Variants in MSH3 observed in about 807,000 individuals in gnomAD.
MSH3 encodes mutS homolog 3.
A neutral mutation model predicts 123.3 loss-of-function variants in MSH3; 106 were observed. The ratio of observed to expected loss-of-function variants is 0.86; its 90% CI spans 0.73 to 1.01. The LOEUF (loss-of-function observed/expected upper bound fraction) is 1.01. MSH3 is among the 50% of genes least tolerant of loss of function. The pLI is 0.00. For missense variants in MSH3, 1,459 were observed against 1,347.6 expected (o/e 1.08, Z -1.29); for synonymous variants, 515 against 481.4 (o/e 1.07, Z -0.91).
chr5:80,769,918 A>G (rs1744188398), intron 15 of MSH3, among the ~76,000 whole-genome samples: 1 of 152,154 alleles, frequency 6.6e-6, no homozygotes, highest in Non-Finnish European at 1.5e-5. Context: ...AATGTTCATT[A>G]AAGTGTTTAT....
chr5:80,865,950 T>C (rs1408256623), intron 22 of MSH3, among the ~76,000 whole-genome samples: 1 of 152,236 alleles, frequency 6.6e-6, no homozygotes, highest in Non-Finnish European at 1.5e-5. Context: ...AGTAGTTTTG[T>C]ATCTATTAAT....
At chr5:80,802,827 T>C (rs992654306) in intron 19 of MSH3, among the ~76,000 whole-genome samples, 4 of 152,222 alleles carry the variant, frequency 2.6e-5, no homozygotes, top group African/African-American at 9.6e-5. Flanking sequence ...ATGCAAAGTT[T>C]ATCACTTTGT....
At chr5:80,738,726 T>C (rs938079236) in intron 10 of MSH3, among the ~76,000 whole-genome samples, 1 of 152,198 alleles carries the variant, frequency 6.6e-6, no homozygotes, top group African/African-American at 2.4e-5. Context: ...GTTTCTTGAT[T>C]AGTCTCATGC....
chr5:80,834,974 G>A (rs1184372477), intron 20 of MSH3, among the ~76,000 whole-genome samples: 1 of 152,194 alleles, frequency 6.6e-6, no homozygotes, highest in Non-Finnish European at 1.5e-5. Flanking sequence ...CCTCTGAAAT[G>A]TCTTATCTCA....
chr5:80,684,064 C>G (rs1447914418), intron 8 of MSH3, among the ~76,000 whole-genome samples: 2 of 152,104 alleles, frequency 1.3e-5, no homozygotes, highest in Non-Finnish European at 2.9e-5. Flanking sequence ...TATGCCAGTA[C>G]CATGCCATTT....
intron 7 of MSH3, among the ~76,000 whole-genome samples, chr5:80,675,734 C>T (rs1749825132): frequency 6.6e-6 from 1 of 152,158 alleles, no homozygotes; most frequent in African/African-American, 2.4e-5. Flanking sequence ...GGTCTTGGTC[C>T]ATGTGCCCTG....
chr5:80,741,964 T>A (rs80125292), intron 11 of MSH3, among the ~76,000 whole-genome samples: 11 of 152,172 alleles, frequency 7.2e-5, no homozygotes, highest in Non-Finnish European at 1.6e-4. Context: ...GATATTCAGT[T>A]TGACTGTAAG....
chr5:80,709,341 C>T (rs1338026074), intron 8 of MSH3, among the ~76,000 whole-genome samples: 2 of 151,286 alleles, frequency 1.3e-5, no homozygotes, highest in Non-Finnish European at 2.9e-5. Context: ...TTTTTAGGGC[C>T]GGGTGCGGTG....
intron 8 of MSH3, among the ~76,000 whole-genome samples, chr5:80,693,011 G>T (rs1399183451): frequency 7.4e-6 from 1 of 134,620 alleles, no homozygotes; most frequent in African/African-American, 2.7e-5. Flanking sequence ...ACATGCACAT[G>T]TATATGTTTA....
intron 8 of MSH3, among the ~76,000 whole-genome samples, chr5:80,709,760 G>A (rs1381958552): frequency 6.6e-6 from 1 of 152,064 alleles, no homozygotes; most frequent in East Asian, 1.9e-4. Flanking sequence ...TGATCTTCAG[G>A]AACTTCTTTT....
chr5:80,671,572 C>A (rs1749725001), intron 4 of MSH3, among the ~76,000 whole-genome samples: 1 of 152,154 alleles, frequency 6.6e-6, no homozygotes, highest in Non-Finnish European at 1.5e-5. Flanking sequence ...AAATTCAGAC[C>A]TGACCACGGT....
intron 20 of MSH3, among the ~76,000 whole-genome samples, chr5:80,828,467 C>A (rs1052783682): frequency 6.6e-6 from 1 of 152,146 alleles, no homozygotes; most frequent in Non-Finnish European, 1.5e-5. Context: ...AACATTCAAA[C>A]CACAGCATTC....
At chr5:80,703,668 T>C (rs1399473153) in intron 8 of MSH3, among the ~76,000 whole-genome samples, 2 of 152,120 alleles carry the variant, frequency 1.3e-5, no homozygotes, top group East Asian at 3.9e-4. Flanking sequence ...TATTTCCTAA[T>C]ACTTTATCTT....
At chr5:80,726,205 C>A (rs1420871016) in intron 9 of MSH3, among the ~76,000 whole-genome samples, 2 of 152,142 alleles carry the variant, frequency 1.3e-5, no homozygotes, top group African/African-American at 4.8e-5. Context: ...ATGTTAGGGT[C>A]CATTTTGTGG....
Position 80,742,020 on chromosome 5 carries a change from C to A in MSH3, c.1653+472C>A, listed in dbSNP as rs573817461. On this transcript the variant is annotated intron_variant, in intron 11 of 23. Transcript: ENST00000265081. Reference sequence around the variant, plus strand: ...CAAACTTTCTTTTTTTTTTTTTCTTCTTTGAGACAGAGTCTCGCTCTGTTG... The same window carrying A: ...CAAACTTTCTTTTTTTTTTTTTCTTATTTGAGACAGAGTCTCGCTCTGTTG... Among the ~76,000 whole-genome samples, 3 of 123,850 alleles carry A rather than the reference C, an allele frequency of 2.4e-5. No individual in the cohort carries two copies. In the South Asian group the frequency reaches 7.7e-4, roughly 32 times the overall value. 81.3% of individuals were successfully genotyped at this position (123,850 alleles called of 152,430 possible). A position where few individuals can be genotyped will look rare whatever the true frequency, so the allele number is the denominator to read the frequency against.
At chr5:80,812,496 A>G (rs779378315) in intron 19 of MSH3, among the ~76,000 whole-genome samples, 55 of 151,244 alleles carry the variant, frequency 3.6e-4, no homozygotes, top group Admixed American at 1.3e-3. Flanking sequence ...ATTGAACCTC[A>G]CTGGTTCTCA....
At chr5:80,729,541 A>G (rs1022209147) in intron 10 of MSH3, among the ~76,000 whole-genome samples, 3 of 151,520 alleles carry the variant, frequency 2.0e-5, no homozygotes, top group Non-Finnish European at 2.9e-5. Context: ...AGTTTTGACT[A>G]CAAAACTGTG....
intron 10 of MSH3, among the ~76,000 whole-genome samples, chr5:80,740,801 G>A (rs943381737): frequency 3.4e-5 from 5 of 148,944 alleles, no homozygotes; most frequent in African/African-American, 5.0e-5. Flanking sequence ...TGCAATCTCC[G>A]CCTCCCTGGT....
At chr5:80,821,496 T>G (rs1745204738) in intron 20 of MSH3, among the ~76,000 whole-genome samples, 1 of 152,254 alleles carries the variant, frequency 6.6e-6, no homozygotes, top group African/African-American at 2.4e-5. Flanking sequence ...TGATCCCATA[T>G]TTCAAAATTG....
Sources: allele counts gnomAD v4.1 joint callset (sites outside exome capture counted in the v4.1 genomes callset), GRCh38; gene constraint gnomAD v4.1.1; transcripts MANE v1.5; gene names NCBI Gene and HGNC (gene_info 2026-07-23, HGNC 2026-07-21).